The following MTMR12 variants were observed in gnomAD, a reference collection of about 807,000 sequenced individuals.
The protein encoded by MTMR12 is myotubularin-related protein 12.
Under a neutral mutation model 96.7 loss-of-function variants are expected in MTMR12, and 33 were observed. The ratio of observed to expected loss-of-function variants is 0.34; its 90% CI spans 0.26 to 0.46. The LOEUF (loss-of-function observed/expected upper bound fraction) is 0.46. Ranked by LOEUF, MTMR12 falls within the 20% of genes least tolerant of loss-of-function variation. The pLI, the probability that MTMR12 is intolerant of heterozygous loss-of-function variation, is 1.00. For missense variants in MTMR12, 721 were observed against 896.1 expected, an observed-to-expected ratio of 0.80 and a Z score of 2.49; for synonymous variants, 298 against 327.2, an observed-to-expected ratio of 0.91 and a Z score of 0.96.
intron 1 of MTMR12, among the ~76,000 whole-genome samples, chr5:32,285,664 G>T (rs767999095): frequency 1.6e-4 from 25 of 152,256 alleles, no homozygotes; most frequent in Admixed American, 3.3e-4. Context: ...ACCCACAGCT[G>T]TGTCTACCCC....
intron 1 of MTMR12, among the ~76,000 whole-genome samples, chr5:32,306,522 A>T (rs1751372957): frequency 6.6e-6 from 1 of 152,126 alleles, no homozygotes; most frequent in African/African-American, 2.4e-5. Flanking sequence ...TTTTTTCCTG[A>T]GGGATAAATG....
chr5:32,255,813 C>T (rs1386265381), intron 7 of MTMR12, 45 bp from the exon 8 acceptor site: 5 of 1,503,226 alleles, frequency 3.3e-6, no homozygotes, highest in African/African-American at 1.4e-5. Context: ...ACACTTAATT[C>T]ACAAAATATG....
At position 32,230,094 on chromosome 5, in the gene MTMR12, T is replaced by A; in HGVS notation, c.1928A>T (p.Tyr643Phe). 6.2e-7 allele frequency: 1 copy of A among 1,612,924 alleles called. No individual in the cohort carries two copies. The highest frequency in any genetic ancestry group is 8.5e-7 in the Non-Finnish European group (1 of 1,179,132). Residue 643 changes from tyrosine (Y) to phenylalanine (F), a missense_variant, in exon 16 of 16, where the codon TAC becomes TTC. Coordinates refer to ENST00000382142, the MANE Select transcript of MTMR12 (RefSeq NM_001040446.3). ...TTGGGCTTCTGGAATCCAACGTAGG[T>A]AGCGCTGGGCCCAGACTTTGATTTC... ...GPEIKVWAQRYLRWIPEAQIL... is the reference protein window; with the variant it reads ...GPEIKVWAQRFLRWIPEAQIL...
chr5:32,310,540 G>A (rs1030840150), intron 1 of MTMR12, among the ~76,000 whole-genome samples: 29 of 152,174 alleles, frequency 1.9e-4, no homozygotes, highest in African/African-American at 6.3e-4. Flanking sequence ...AGTGAACTAC[G>A]CCAGGCGCAG....
intron 6 of MTMR12, among the ~76,000 whole-genome samples, chr5:32,266,870 G>C (rs1273942057): frequency 6.6e-6 from 1 of 150,994 alleles, no homozygotes; most frequent in African/African-American, 2.5e-5. Context: ...ACGAGATCAG[G>C]AGTTAGAGAC....
intron 1 of MTMR12, among the ~76,000 whole-genome samples, chr5:32,294,741 G>A (rs1750862750): frequency 6.6e-6 from 1 of 152,210 alleles, no homozygotes; most frequent in Non-Finnish European, 1.5e-5. Context: ...TGACAAGACA[G>A]TAAATTGTCA....
intron 1 of MTMR12, among the ~76,000 whole-genome samples, chr5:32,301,354 A>T (rs988913043): frequency 1.5e-4 from 23 of 152,202 alleles, no homozygotes; most frequent in African/African-American, 5.1e-4. Context: ...TTAACTAGCA[A>T]GATACCCAAT....
intron 7 of MTMR12, among the ~76,000 whole-genome samples, chr5:32,259,851 C>CA (rs935234848): frequency 3.2e-4 from 49 of 152,144 alleles, no homozygotes; most frequent in African/African-American, 1.2e-3. Context: ...GCCTGGCCAA[C>CA]ATGGTGAAAC....
chr5:32,258,894 G>T, intron 7 of MTMR12, among the ~76,000 whole-genome samples: 1 of 128,660 alleles, frequency 7.8e-6, no homozygotes. Context: ...CTTATAGATG[G>T]TCTTTCACAA....
At chr5:32,254,454 C>G (rs955282092) in intron 8 of MTMR12, among the ~76,000 whole-genome samples, 6 of 152,254 alleles carry the variant, frequency 3.9e-5, no homozygotes, top group African/African-American at 7.2e-5. Flanking sequence ...TAATAAAGAG[C>G]TAAAAATTAT....
At chr5:32,265,266 TAGA>T (rs1297770340) in intron 6 of MTMR12, among the ~76,000 whole-genome samples, 5 of 152,196 alleles carry the variant, frequency 3.3e-5, no homozygotes, top group African/African-American at 7.2e-5. Context: ...TGGAAGGAAG[TAGA>T]AGAAGAGTGG....
intron 8 of MTMR12, among the ~76,000 whole-genome samples, chr5:32,254,444 TAATA>T (rs1749064364): frequency 6.6e-6 from 1 of 152,182 alleles, no homozygotes; most frequent in Non-Finnish European, 1.5e-5. Context: ...AGAATGTCCT[TAATA>T]AAGAGCTAAA....
chr5:32,271,755 T>G, intron 4 of MTMR12, 78 bp downstream of exon 4: 1 of 842,380 alleles, frequency 1.2e-6, no homozygotes, highest in Non-Finnish European at 1.7e-6. Context: ...AAATTATAAA[T>G]GGTCATAAAA....
At chr5:32,301,258 G>A (rs981529049) in intron 1 of MTMR12, among the ~76,000 whole-genome samples, 3 of 152,156 alleles carry the variant, frequency 2.0e-5, no homozygotes, top group African/African-American at 7.2e-5. Context: ...ACTGAGGCCA[G>A]CCCAGGAGTC....
At position 32,233,760 on chromosome 5, in the gene MTMR12, G is replaced by A. The variant is rs558051921; in HGVS notation, c.1674+13C>T. Reference sequence around the variant, plus strand: ...GGGCAGCTGAAGGGGGTTTAGACATGTGGACATCTTACTTTGAAGCGCATT... The same window carrying A: ...GGGCAGCTGAAGGGGGTTTAGACATATGGACATCTTACTTTGAAGCGCATT... On this transcript the variant is annotated intron_variant, in intron 15 of 15. Coordinates refer to ENST00000382142, the MANE Select transcript of MTMR12 (RefSeq NM_001040446.3). The surrounding 1 kb of genome is among the most constrained non-coding windows in gnomAD (Gnocchi z 5.0). 5.6e-6 allele frequency: 9 copies of A among 1,614,242 alleles called. No homozygotes were observed. The highest frequency in any genetic ancestry group is 6.8e-6 in the Non-Finnish European group (8 of 1,180,040).
chr5:32,279,189 T>C (rs533468460), intron 1 of MTMR12, among the ~76,000 whole-genome samples: 4 of 150,336 alleles, frequency 2.7e-5, no homozygotes, highest in African/African-American at 9.8e-5. Flanking sequence ...GGAGGACTGC[T>C]TGAGCCCAGG....
intron 6 of MTMR12, among the ~76,000 whole-genome samples, chr5:32,265,436 G>T (rs1050913307): frequency 3.3e-5 from 5 of 152,140 alleles, no homozygotes; most frequent in Non-Finnish European, 5.9e-5. Context: ...CCTATGCTGG[G>T]TACAGAACAA....
At chr5:32,296,051 AG>A (rs1318643621) in intron 1 of MTMR12, among the ~76,000 whole-genome samples, 1 of 152,070 alleles carries the variant, frequency 6.6e-6, no homozygotes, top group Non-Finnish European at 1.5e-5. Flanking sequence ...CCCAGCTACT[AG>A]GGAGGCTGAG....
At chr5:32,277,424 C>T (rs554515582) in intron 1 of MTMR12, among the ~76,000 whole-genome samples, 1 of 152,028 alleles carries the variant, frequency 6.6e-6, no homozygotes, top group East Asian at 1.9e-4. Flanking sequence ...GATGGCCCAG[C>T]GTGGTGGCTC....
Sources: gnomAD v4.1 joint callset for allele counts (sites outside exome capture counted in the v4.1 genomes callset) on GRCh38, gnomAD v4.1.1 for gene constraint, Gnocchi (gnomAD v3.1) non-coding constraint, MANE v1.5 for transcripts, NCBI Gene and HGNC (gene_info 2026-07-23, HGNC 2026-07-21) for gene names.